Variants in DOCK1 observed in about 807,000 individuals in gnomAD.
The protein encoded by DOCK1 is dedicator of cytokinesis protein 1.
In DOCK1, 138 loss-of-function variants were observed where a neutral mutation model predicts 262.7. That is an observed-to-expected ratio of 0.53 (90% CI 0.46 to 0.61). The LOEUF is 0.61. DOCK1 is among the 20% of genes least tolerant of loss of function. DOCK1 has a pLI of 0.00. For missense variants in DOCK1, 1,908 were observed against 2,370.7 expected, an observed-to-expected ratio of 0.80 and a Z score of 4.05; for synonymous variants, 866 against 867.4, an observed-to-expected ratio of 1.00 and a Z score of 0.03.
At chr10:126,905,765 C>CG (rs2030635522) in intron 1 of DOCK1, among the ~76,000 whole-genome samples, 1 of 140,014 alleles carries the variant, frequency 7.1e-6, no homozygotes, top group Non-Finnish European at 1.6e-5. Context: ...GCTCCAGCCC[C>CG]GGGGATGCGG....
At position 127,004,784 on chromosome 10, in the gene DOCK1, C is replaced by CAA. The variant is rs568201071; in HGVS notation, c.986-3941_986-3940dup. ...CCCCTGCCCCGCCACCCCCCCGCCCCAAAAAAAAGAAAAAAGTCTTGCACA... is the reference window on the plus strand; with the variant it reads ...CCCCTGCCCCGCCACCCCCCCGCCCCAAAAAAAAAAGAAAAAAGTCTTGCACA... On this transcript the variant is annotated intron_variant, in intron 10 of 51. Transcript: ENST00000623213. Among the ~76,000 whole-genome samples the CAA allele has an allele frequency of 2.4e-3, 239 of 98,470 alleles. 5 individuals are homozygous for CAA. Among genetic ancestry groups the CAA allele is most frequent in the African/African-American group, 5.7e-3 (173 of 30,314 alleles). The allele number at this position is 98,470 out of a possible 152,430, so 64.6% of individuals were successfully genotyped here.
At chr10:127,144,707 T>C (rs936527874) in intron 27 of DOCK1, among the ~76,000 whole-genome samples, 4 of 152,230 alleles carry the variant, frequency 2.6e-5, no homozygotes, top group Admixed American at 6.5e-5. Flanking sequence ...CCTAATAGTT[T>C]AAAATATCAG....
chr10:126,915,754 G>T (rs2032415374), intron 1 of DOCK1, among the ~76,000 whole-genome samples: 1 of 152,090 alleles, frequency 6.6e-6, no homozygotes, highest in South Asian at 2.1e-4. Context: ...CCTGGCCTCA[G>T]TGTGTCCTGT....
At chr10:127,167,587 T>C in intron 27 of DOCK1, among the ~76,000 whole-genome samples, 1 of 152,194 alleles carries the variant, frequency 6.6e-6, no homozygotes, top group East Asian at 1.9e-4. Context: ...GAATATGTTC[T>C]TGGAGCAGAA....
chr10:127,239,797 G>A (rs911325437), intron 27 of DOCK1, among the ~76,000 whole-genome samples: 4 of 152,018 alleles, frequency 2.6e-5, no homozygotes, highest in Non-Finnish European at 5.9e-5. Flanking sequence ...TAAAAATAAC[G>A]TATAAAATTT....
At chr10:126,979,501 C>G (rs1476894061) in intron 3 of DOCK1, among the ~76,000 whole-genome samples, 1 of 152,190 alleles carries the variant, frequency 6.6e-6, no homozygotes, top group African/African-American at 2.4e-5. Context: ...CTGCCACATC[C>G]TGGGCTGGAT....
At chr10:127,361,720 T>C (rs911984138) in intron 32 of DOCK1, among the ~76,000 whole-genome samples, 1 of 152,206 alleles carries the variant, frequency 6.6e-6, no homozygotes, top group Non-Finnish European at 1.5e-5. Flanking sequence ...GCCCCTGCTC[T>C]ATTCAGAATT....
In DOCK1 at chr10:127,008,988, A is replaced by C. The variant is rs956720980; in HGVS notation, c.1058+184A>C. 4.6e-5 allele frequency among the ~76,000 whole-genome samples: 7 copies of C among 152,218 alleles called. No homozygotes were observed. In the East Asian group the frequency reaches 1.3e-3, roughly 29 times the overall value. On this transcript the variant is annotated intron_variant, in intron 11 of 51. Coordinates refer to ENST00000623213, the MANE Select transcript of DOCK1 (RefSeq NM_001290223.2). Reference sequence around the variant, plus strand: ...TTTGTAGCCATAAGAATCCTGGGTCAAAGTTTGTTTATGGTCCTGGAAGTA... The same window carrying C: ...TTTGTAGCCATAAGAATCCTGGGTCCAAGTTTGTTTATGGTCCTGGAAGTA...
At chr10:127,315,139 A>G (rs1224034601) in intron 29 of DOCK1, among the ~76,000 whole-genome samples, 1 of 152,174 alleles carries the variant, frequency 6.6e-6, no homozygotes, top group Non-Finnish European at 1.5e-5. Flanking sequence ...TGCACTTGGC[A>G]TGGCGGAGAG....
At chr10:127,430,884 G>A (rs560818183) in intron 47 of DOCK1, among the ~76,000 whole-genome samples, 40 of 152,274 alleles carry the variant, frequency 2.6e-4, no homozygotes, top group African/African-American at 6.7e-4. Flanking sequence ...AGACAGCGAC[G>A]TAAAACTCAG....
intron 28 of DOCK1, among the ~76,000 whole-genome samples, chr10:127,252,645 T>A: frequency 6.6e-6 from 1 of 151,076 alleles, no homozygotes; most frequent in South Asian, 2.2e-4. Flanking sequence ...AAATAGGGAA[T>A]CCTTTCCCCA....
intron 29 of DOCK1, among the ~76,000 whole-genome samples, chr10:127,330,388 C>A (rs149373335): frequency 9.3e-5 from 14 of 150,746 alleles, no homozygotes; most frequent in Non-Finnish European, 1.8e-4. Context: ...CACCTCACAC[C>A]GATTAGGATG....
chr10:127,441,302 C>T (rs532071667), intron 49 of DOCK1, among the ~76,000 whole-genome samples: 1 of 152,322 alleles, frequency 6.6e-6, no homozygotes, highest in Admixed American at 6.5e-5. Flanking sequence ...GGCAGCCCCA[C>T]GAGGGCTGCC....
intron 35 of DOCK1, among the ~76,000 whole-genome samples, chr10:127,379,509 G>A (rs1174103145): frequency 2.6e-5 from 4 of 152,304 alleles, no homozygotes; most frequent in East Asian, 1.9e-4. Flanking sequence ...GCTGTTAAGC[G>A]CTCCAAGTGT....
chr10:127,138,928 C>G lies in DOCK1; in HGVS notation c.2847+11164C>G, dbSNP rs1055338794. 2.0e-5 allele frequency among the ~76,000 whole-genome samples: 3 copies of G among 152,182 alleles called. No homozygotes were observed. The East Asian group carries it at 5.8e-4, about 29-fold the overall frequency. On this transcript the variant is annotated intron_variant, in intron 27 of 51. Transcript: ENST00000623213. ...CTAACTTGGAGTCCTAACAGGTCTG[C>G]TTGGCAGCTGGGATAGGACCCCCGG...
At chr10:127,004,858 C>T (rs2040893977) in intron 10 of DOCK1, among the ~76,000 whole-genome samples, 1 of 147,994 alleles carries the variant, frequency 6.8e-6, no homozygotes, top group South Asian at 2.1e-4. Flanking sequence ...TAACCAAAAT[C>T]GCTTGTTTGT....
chr10:127,297,359 T>C (rs1447802972), intron 29 of DOCK1, among the ~76,000 whole-genome samples: 3 of 152,044 alleles, frequency 2.0e-5, no homozygotes, highest in Admixed American at 2.0e-4. Context: ...GGCTGGATCA[T>C]AGGGGGTCAG....
At chr10:127,049,687 AAC>A (rs1229993273) in intron 21 of DOCK1, among the ~76,000 whole-genome samples, 3 of 152,306 alleles carry the variant, frequency 2.0e-5, no homozygotes, top group African/African-American at 4.8e-5. Context: ...TTATAGTTTG[AAC>A]ACAGTCTCAA....
intron 5 of DOCK1, chr10:126,988,023 C>T (rs1169934064): frequency 6.7e-5 from 10 of 148,758 alleles, no homozygotes; most frequent in Non-Finnish European, 1.3e-4. Context: ...TTTTTTTTGC[C>T]GTTGTCTGAC....
Sources: gnomAD v4.1 joint callset for allele counts (sites outside exome capture counted in the v4.1 genomes callset) on GRCh38, gnomAD v4.1.1 for gene constraint, MANE v1.5 for transcripts, NCBI Gene and HGNC (gene_info 2026-07-23, HGNC 2026-07-21) for gene names.